Variants in DAGLB observed in about 807,000 individuals in gnomAD.
DAGLB encodes the protein diacylglycerol lipase beta.
DAGLB carries 66 observed loss-of-function variants against 72.1 expected under a neutral mutation model. The ratio of observed to expected loss-of-function variants is 0.92; its 90% CI spans 0.75 to 1.12. The LOEUF is 1.12. Among genes scored for constraint, DAGLB ranks in the 50% most tolerant of loss-of-function variants. The pLI is 0.00. For missense variants in DAGLB, 1,065 were observed against 884.9 expected (o/e 1.20, Z -2.58); for synonymous variants, 414 against 359.5 (o/e 1.15, Z -1.71).
chr7:6,411,174 AT>A (rs1474493242), intron 13 of DAGLB, among the ~76,000 whole-genome samples: 1 of 148,358 alleles, frequency 6.7e-6, no homozygotes, highest in African/African-American at 2.5e-5. Flanking sequence ...GCCCGGCCTA[AT>A]TTTTTGTATT....
rs769371198 is a variant in DAGLB at position 6,447,703 on chromosome 7, T to C, written c.95+45A>G. The C allele has an allele frequency of 5.0e-6, 8 of 1,588,962 alleles. No individual in the cohort carries two copies. In the Admixed American group the frequency reaches 1.5e-4, roughly 29 times the overall value. The stretch of plus-strand genomic sequence containing the variant: ...TCTCAAGGGACAGCTCGCCCCCCGC[T>C]CCCTCTCCGGTGGGCTCCACCGCCC... On this transcript the variant is annotated intron_variant, in intron 1 of 14. Coordinates refer to ENST00000297056, the MANE Select transcript of DAGLB (RefSeq NM_139179.4).
At chr7:6,439,437 C>T (rs1383249140) in intron 2 of DAGLB, among the ~76,000 whole-genome samples, 1 of 152,122 alleles carries the variant, frequency 6.6e-6, no homozygotes, top group Admixed American at 6.6e-5. Context: ...GGTTAAGTAA[C>T]CCTATCATCC....
chr7:6,434,246 AAAAC>A (rs1466867956), intron 4 of DAGLB, among the ~76,000 whole-genome samples: 1 of 152,192 alleles, frequency 6.6e-6, no homozygotes, highest in Non-Finnish European at 1.5e-5. Flanking sequence ...TGAAAAAAAA[AAAAC>A]AAGCATTTTC....
chr7:6,409,849 C>A lies in DAGLB; in HGVS notation c.2007G>T (p.Val669=), dbSNP rs768801364. The A allele has an allele frequency of 6.2e-7, 1 of 1,613,914 alleles. No individual in the cohort carries two copies. Among genetic ancestry groups the A allele is most frequent in the Non-Finnish European group, 8.5e-7 (1 of 1,180,016 alleles). The change falls in exon 15 of 15, where the codon GTG becomes GTT. Residue 669 remains valine (V), a synonymous_variant. Coordinates refer to ENST00000297056, the MANE Select transcript of DAGLB (RefSeq NM_139179.4). ...VSCPAQGVSS[V]DVA ...CCAGTGGCCCTGGTCAGGCCACGTC[C>A]ACACTGGAGACCCCTTGTGCTGGAC...
chr7:6,413,315 C>G (rs1266176974), intron 11 of DAGLB, among the ~76,000 whole-genome samples: 1 of 152,188 alleles, frequency 6.6e-6, no homozygotes, highest in African/African-American at 2.4e-5. Flanking sequence ...ACCCAGAAAC[C>G]GCGCTTGGAA....
chr7:6,425,183 T>C (rs1208670699), intron 7 of DAGLB, among the ~76,000 whole-genome samples: 1 of 152,226 alleles, frequency 6.6e-6, no homozygotes, highest in Admixed American at 6.5e-5. Context: ...GCCGCCGATC[T>C]GCGCCAGCAG....
rs146783901 is a variant in DAGLB, at chr7:6,420,274, T to C, written c.1218+1453A>G. On this transcript the variant is annotated intron_variant, in intron 9 of 14. Transcript: ENST00000297056. ...GGCCAACATGGTGAAACCCCGTCTC[T>C]ACTAAAAATACAAAAATCAGCTGGG... Among the ~76,000 whole-genome samples the C allele has an allele frequency of 2.1e-3, 320 of 151,828 alleles. 2 individuals carry two copies. Among genetic ancestry groups the C allele is most frequent in the African/African-American group, 7.3e-3 (301 of 41,402 alleles).
At chr7:6,430,120 G>A (rs542101786) in intron 6 of DAGLB, among the ~76,000 whole-genome samples, 10 of 151,658 alleles carry the variant, frequency 6.6e-5, no homozygotes, top group Admixed American at 2.6e-4. Flanking sequence ...CAGTAGCACC[G>A]CTTGAGCCTG....
intron 2 of DAGLB, among the ~76,000 whole-genome samples, chr7:6,440,433 A>T (rs1204201969): frequency 6.6e-6 from 1 of 152,030 alleles, no homozygotes; most frequent in Admixed American, 6.6e-5. Context: ...GAAGAAGAGG[A>T]TCAGTCTTCT....
At chr7:6,410,104 C>G (rs1457187399) in intron 14 of DAGLB, 26 bp downstream of exon 14, 1 of 1,576,938 alleles carries the variant, frequency 6.3e-7, no homozygotes, top group Non-Finnish European at 8.6e-7. Flanking sequence ...CCTGCCTGCC[C>G]ACCACACCCA....
chr7:6,427,502 T>G (rs1784349846), intron 6 of DAGLB, among the ~76,000 whole-genome samples: 1 of 152,148 alleles, frequency 6.6e-6, no homozygotes, highest in African/African-American at 2.4e-5. Flanking sequence ...TAAAACATTT[T>G]TAAAAATTAT....
chr7:6,440,203 G>A (rs949780856), intron 2 of DAGLB, among the ~76,000 whole-genome samples: 2 of 151,510 alleles, frequency 1.3e-5, no homozygotes, highest in Non-Finnish European at 2.9e-5. Flanking sequence ...TGACCAACAT[G>A]GAGAAACCCC....
At chr7:6,414,658 A>T (rs1783843660) in intron 11 of DAGLB, among the ~76,000 whole-genome samples, 1 of 152,098 alleles carries the variant, frequency 6.6e-6, no homozygotes, top group Non-Finnish European at 1.5e-5. Context: ...GGTGTAACAA[A>T]AGCCTTTCCT....
chr7:6,442,992 T>C (rs1784878311), intron 2 of DAGLB, among the ~76,000 whole-genome samples: 1 of 138,682 alleles, frequency 7.2e-6, no homozygotes, highest in Non-Finnish European at 1.5e-5. Context: ...GCTAACACAG[T>C]GAAACCCCGT....
At chr7:6,414,699 A>G (rs1783845612) in intron 11 of DAGLB, among the ~76,000 whole-genome samples, 1 of 152,134 alleles carries the variant, frequency 6.6e-6, no homozygotes, top group African/African-American at 2.4e-5. Flanking sequence ...CCTGGAAATT[A>G]TGACCAGCCC....
intron 9 of DAGLB, among the ~76,000 whole-genome samples, chr7:6,420,265 C>A (rs900437138): frequency 1.3e-5 from 2 of 151,914 alleles, no homozygotes; most frequent in Admixed American, 1.3e-4. Context: ...CATGGTGAAA[C>A]CCCGTCTCTA....
chr7:6,415,142 CTGAG>C (rs1783860315), intron 11 of DAGLB, among the ~76,000 whole-genome samples: 1 of 150,330 alleles, frequency 6.7e-6, no homozygotes, highest in South Asian at 2.1e-4. Flanking sequence ...GCTGGGGAGA[CTGAG>C]TGACACTCTG....
chr7:6,421,044 C>T (rs1247503750), intron 9 of DAGLB, among the ~76,000 whole-genome samples: 5 of 152,132 alleles, frequency 3.3e-5, no homozygotes, highest in Non-Finnish European at 5.9e-5. Context: ...GGCTCACGCC[C>T]GTAATCCCAA....
At chr7:6,418,007 A>C (rs1316342053) in intron 9 of DAGLB, among the ~76,000 whole-genome samples, 10 of 151,906 alleles carry the variant, frequency 6.6e-5, no homozygotes, top group Admixed American at 6.6e-4. Context: ...AGTAACTGGG[A>C]TTACAGGCAT....
Sources: allele counts gnomAD v4.1 joint callset (sites outside exome capture counted in the v4.1 genomes callset), GRCh38; gene constraint gnomAD v4.1.1; transcripts MANE v1.5; gene names NCBI Gene and HGNC (gene_info 2026-07-23, HGNC 2026-07-21).